The following METTL25 variants were observed in gnomAD, a reference collection of about 807,000 sequenced individuals.
The protein encoded by METTL25 is probable methyltransferase-like protein 25.
METTL25 carries 64 observed loss-of-function variants against 71.6 expected under a neutral mutation model. The ratio of observed to expected loss-of-function variants is 0.89; its 90% confidence interval spans 0.73 to 1.10. METTL25 has a LOEUF of 1.10. METTL25 is among the 50% of genes least tolerant of loss of function. The probability of loss-of-function intolerance (pLI) is 0.00; values close to 1 mark genes in which losing one functional copy is unlikely to be tolerated. For synonymous variants in METTL25, 287 were observed against 250.3 expected, an observed-to-expected ratio of 1.15 and a Z score of -1.38; for missense variants, 807 against 707.0, an observed-to-expected ratio of 1.14 and a Z score of -1.60.
At chr12:82,403,226 C>T in intron 5 of METTL25, 96 bp downstream of exon 5, 1 of 1,222,112 alleles carries the variant, frequency 8.2e-7, no homozygotes, top group Admixed American at 2.3e-5. Context: ...TCGTCATTAC[C>T]ATGATTTGGA....
chr12:82,413,052 A>G (rs995840192), intron 5 of METTL25, among the ~76,000 whole-genome samples: 3 of 152,082 alleles, frequency 2.0e-5, no homozygotes, highest in Non-Finnish European at 4.4e-5. Flanking sequence ...AGTTGTATGT[A>G]ATTGATTATA....
chr12:82,470,679 C>A (rs1165647010), intron 9 of METTL25, among the ~76,000 whole-genome samples: 2 of 151,992 alleles, frequency 1.3e-5, no homozygotes, highest in Non-Finnish European at 2.9e-5. Flanking sequence ...TAGTTTCAAC[C>A]CAAATTCTAA....
intron 1 of METTL25, among the ~76,000 whole-genome samples, chr12:82,368,516 C>G (rs1592586033): frequency 6.6e-6 from 1 of 152,300 alleles, no homozygotes; most frequent in East Asian, 1.9e-4. Context: ...TAGAAGTAAT[C>G]TGCCTGGCCC....
At chr12:82,460,879 C>T (rs1323242134) in intron 9 of METTL25, among the ~76,000 whole-genome samples, 1 of 152,240 alleles carries the variant, frequency 6.6e-6, no homozygotes, top group Non-Finnish European at 1.5e-5. Context: ...CGCGGTAGCT[C>T]ACGCCTGTAA....
At chr12:82,477,397 T>A (rs987786879) in intron 11 of METTL25, 45 bp downstream of exon 11, 8 of 1,038,096 alleles carry the variant, frequency 7.7e-6, no homozygotes, top group Non-Finnish European at 1.1e-5. Context: ...TCTTATTAAA[T>A]ACAGTAATAT....
chr12:82,476,686 C>T lies in METTL25; in HGVS notation c.1615C>T (p.Pro539Ser). 5 of 1,598,904 alleles carry T rather than the reference C, an allele frequency of 3.1e-6. No individual in the cohort carries two copies. The highest frequency in any genetic ancestry group is 3.4e-6 in the Non-Finnish European group (4 of 1,173,630). Residue 539 changes from proline (P) to serine (S), a missense_variant, in exon 10 of 12, where the codon CCT becomes TCT. By Grantham distance (74) the Pro-to-Ser change is moderately conservative (BLOSUM62 -1). Transcript: ENST00000248306. ...AATGAACTACTACGAGAAGTATAAG[C>T]CTCGAATGAATGAGCTGGAAGCTTT... The part of the protein sequence containing the change: ...IIMNYYEKYK[P>S]RMNELEAFNM...
intron 9 of METTL25, among the ~76,000 whole-genome samples, chr12:82,469,414 C>T (rs1892439103): frequency 6.6e-6 from 1 of 152,030 alleles, no homozygotes; most frequent in South Asian, 2.1e-4. Flanking sequence ...GGGAAACAAA[C>T]ACATCCTTCT....
intron 11 of METTL25, 47 bp downstream of exon 11, chr12:82,477,399 C>T: frequency 2.9e-6 from 3 of 1,034,496 alleles, no homozygotes; most frequent in Admixed American, 2.4e-5. Flanking sequence ...TTATTAAATA[C>T]AGTAATATAG....
intron 9 of METTL25, among the ~76,000 whole-genome samples, chr12:82,474,892 A>G (rs1892793554): frequency 6.6e-6 from 1 of 152,208 alleles, no homozygotes; most frequent in African/African-American, 2.4e-5. Context: ...TGTATATTAC[A>G]AAGTATAATG....
chr12:82,422,718 A>C (rs762724336), intron 5 of METTL25, among the ~76,000 whole-genome samples: 1 of 152,058 alleles, frequency 6.6e-6, no homozygotes, highest in Non-Finnish European at 1.5e-5. Flanking sequence ...CAAAATCAAT[A>C]TGCAAAAATC....
Position 82,402,975 on chromosome 12 carries a change from T to G in METTL25, c.1132-8T>G. The G allele has an allele frequency of 6.4e-7, 1 of 1,573,068 alleles. No homozygotes were observed. The highest frequency in any genetic ancestry group is 8.6e-7 in the Non-Finnish European group (1 of 1,165,016). On this transcript the variant is annotated splice_polypyrimidine_tract_variant and splice_region_variant and intron_variant, in intron 4 of 11. Coordinates refer to ENST00000248306, the MANE Select transcript of METTL25 (RefSeq NM_032230.3). ...ACCAAATTTTATTTTTCTTCTTGTA[T>G]TTTAAAGGATTGTTTGATGGTGGGT... is the stretch of plus-strand genomic sequence containing the variant.
At chr12:82,385,489 G>GT (rs1283307368) in intron 1 of METTL25, among the ~76,000 whole-genome samples, 1 of 152,054 alleles carries the variant, frequency 6.6e-6, no homozygotes, top group Non-Finnish European at 1.5e-5. Context: ...TAAGATGTGT[G>GT]TTTTTTTGAA....
intron 9 of METTL25, among the ~76,000 whole-genome samples, chr12:82,464,724 T>C (rs933761924): frequency 1.2e-4 from 18 of 151,992 alleles, no homozygotes; most frequent in African/African-American, 4.3e-4. Flanking sequence ...TTTAATATTA[T>C]TAATGCTTTG....
In METTL25 at chr12:82,477,352, G is replaced by A. The variant is rs201955224; in HGVS notation, c.1719G>A (p.Gln573=). 1 of 1,498,212 alleles carries A rather than the reference G, an allele frequency of 6.7e-7. No homozygotes were observed. Among genetic ancestry groups the A allele is most frequent in the African/African-American group, 1.4e-5 (1 of 71,448 alleles). 92.8% of individuals were successfully genotyped at this position (1,498,212 alleles called of 1,614,324 possible). Residue 573 remains glutamine (Q), a splice_region_variant and synonymous_variant, in exon 11 of 12, where the codon CAG becomes CAA. Coordinates refer to ENST00000248306, the MANE Select transcript of METTL25 (RefSeq NM_032230.3). ...ATCGACTTTGTTACCTGAAAGAGCAGGTAAATTATGTTATTTTAAAATACA... is the reference window on the plus strand; with the variant it reads ...ATCGACTTTGTTACCTGAAAGAGCAAGTAAATTATGTTATTTTAAAATACA... The part of the protein sequence containing the change: ...LLDRLCYLKE[Q]EDIAWSALVK...
intron 5 of METTL25, among the ~76,000 whole-genome samples, chr12:82,406,457 A>G (rs1887099824): frequency 6.6e-6 from 1 of 152,120 alleles, no homozygotes; most frequent in Non-Finnish European, 1.5e-5. Context: ...TTTTTTCCAC[A>G]TAATATATTT....
Position 82,431,008 on chromosome 12 carries a change from G to A in METTL25, c.1374+21G>A, listed in dbSNP as rs76976041. 5,373 of 1,472,166 alleles carry A rather than the reference G, an allele frequency of 3.6e-3. 183 individuals carry two copies. The African/African-American group carries it at 0.067, about 18-fold the overall frequency. The allele number at this position is 1,472,166 out of a possible 1,614,324, so 91.2% of individuals were successfully genotyped here. A position where few individuals can be genotyped will look rare whatever the true frequency, so the allele number is the denominator to read the frequency against. Reference sequence around the variant, plus strand: ...GTTTGGTATGGTTATATTTTTTCCTGGAGTAACAGCTTTATCCAGATGTTG... The same window carrying A: ...GTTTGGTATGGTTATATTTTTTCCTAGAGTAACAGCTTTATCCAGATGTTG... On this transcript the variant is annotated intron_variant, in intron 6 of 11. Transcript: ENST00000248306.
chr12:82,446,856 A>G (rs1411972234), intron 8 of METTL25, among the ~76,000 whole-genome samples: 1 of 152,114 alleles, frequency 6.6e-6, no homozygotes, highest in Non-Finnish European at 1.5e-5. Flanking sequence ...ACCTCAGGTG[A>G]TCTGCCTGCC....
Position 82,478,958 on chromosome 12 carries a change from G to A in METTL25, c.1746G>A (p.Val582=). Residue 582 remains valine, a synonymous_variant, in exon 12 of 12, where the codon GTG becomes GTA. Coordinates refer to ENST00000248306, the MANE Select transcript of METTL25 (RefSeq NM_032230.3). ...AAGATATTGCATGGTCTGCTCTTGT[G>A]AAGTTGTTTGATCCCGTGAAATCTC... The part of the protein sequence containing the change: ...EQEDIAWSAL[V]KLFDPVKSPR... The A allele has an allele frequency of 6.2e-7, 1 of 1,612,596 alleles. No individual in the cohort carries two copies. The highest frequency in any genetic ancestry group is 1.1e-5 in the South Asian group (1 of 91,010).
Position 82,479,228 on chromosome 12 carries a change from A to G in METTL25, c.*204A>G, listed in dbSNP as rs995194213. 2.1e-6 allele frequency: 1 copy of G among 466,506 alleles called. No homozygotes were observed. The highest frequency in any genetic ancestry group is 3.8e-6 in the Non-Finnish European group (1 of 260,658). 28.9% of individuals were successfully genotyped at this position (466,506 alleles called of 1,614,324 possible). On this transcript the variant is annotated 3_prime_UTR_variant, in exon 12 of 12. Transcript: ENST00000248306. ...CATTAATAAAAGAAGAACCTGTCAT[A>G]ATAATATAAAACAGTTGACCTACAT...
Sources: gnomAD v4.1 joint callset for allele counts (sites outside exome capture counted in the v4.1 genomes callset) on GRCh38, gnomAD v4.1.1 for gene constraint, MANE v1.5 for transcripts, NCBI Gene and HGNC (gene_info 2026-07-23, HGNC 2026-07-21) for gene names.